LHFPL6: variants seen among roughly 807,000 people sequenced by gnomAD.
LHFPL6 encodes LHFPL tetraspan subfamily member 6.
LHFPL6 carries 9 observed loss-of-function variants against 20.6 expected under a neutral mutation model. The ratio of observed to expected loss-of-function variants is 0.44; its 90% CI spans 0.26 to 0.76. The LOEUF is 0.76. Among genes scored for constraint, LHFPL6 ranks in the 30% least tolerant of loss-of-function variants. The pLI, the probability that LHFPL6 is intolerant of heterozygous loss-of-function variation, is 0.20. For synonymous variants in LHFPL6, 105 were observed against 98.7 expected, an observed-to-expected ratio of 1.06 and a Z score of -0.38; for missense variants, 218 against 253.5, an observed-to-expected ratio of 0.86 and a Z score of 0.95.
intron 2 of LHFPL6, among the ~76,000 whole-genome samples, chr13:39,384,265 CT>C (rs1182998686): frequency 6.6e-6 from 1 of 152,268 alleles, no homozygotes; most frequent in East Asian, 1.9e-4. Flanking sequence ...AAAGCTTTGC[CT>C]TTAAGCATGC....
At chr13:39,585,351 A>G (rs900400498) in intron 2 of LHFPL6, among the ~76,000 whole-genome samples, 5 of 152,222 alleles carry the variant, frequency 3.3e-5, no homozygotes, top group Non-Finnish European at 5.9e-5. Context: ...AATATATGAG[A>G]ACTATAAATT....
chr13:39,497,956 T>A (rs536144184), intron 2 of LHFPL6, among the ~76,000 whole-genome samples: 1 of 152,248 alleles, frequency 6.6e-6, no homozygotes, highest in Non-Finnish European at 1.5e-5. Flanking sequence ...AGTGCTAGTA[T>A]ACACTTGTAA....
rs1190786475 is a variant in LHFPL6 at position 39,343,580 on chromosome 13, C to T, written c.*356G>A. On this transcript the variant is annotated 3_prime_UTR_variant, in exon 4 of 4. Transcript: ENST00000379589. ...AAAAAAAAAAAACTAAAACCCAAAC[C>T]CTTGTTTGTATATGTAGATTTGTTG... The T allele has an allele frequency of 8.7e-6, 2 of 230,160 alleles. No homozygotes were observed. The highest frequency in any genetic ancestry group is 5.8e-5 in the Admixed American group (1 of 17,110). 14.3% of individuals were successfully genotyped at this position (230,160 alleles called of 1,614,324 possible).
At chr13:39,523,684 G>T (rs141014414) in intron 2 of LHFPL6, among the ~76,000 whole-genome samples, 78 of 152,232 alleles carry the variant, frequency 5.1e-4, no homozygotes, top group African/African-American at 1.7e-3. Context: ...AACAGCCTGA[G>T]AAATCTTAGG....
chr13:39,476,204 A>G (rs1335332379), intron 2 of LHFPL6, among the ~76,000 whole-genome samples: 1 of 152,266 alleles, frequency 6.6e-6, no homozygotes, highest in East Asian at 1.9e-4. Flanking sequence ...TGTATTACTT[A>G]TTTTTAATAG....
intron 3 of LHFPL6, among the ~76,000 whole-genome samples, chr13:39,355,179 G>A (rs961204076): frequency 1.3e-5 from 2 of 151,464 alleles, no homozygotes; most frequent in Non-Finnish European, 1.5e-5. Context: ...AGCCTCATCA[G>A]GCTAACAGCA....
intron 2 of LHFPL6, among the ~76,000 whole-genome samples, chr13:39,431,285 A>G (rs1440776951): frequency 1.3e-5 from 2 of 152,212 alleles, no homozygotes; most frequent in East Asian, 3.9e-4. Context: ...CAGCAAGACT[A>G]CAAACCTACC....
chr13:39,511,419 A>G (rs1345219593), intron 2 of LHFPL6, among the ~76,000 whole-genome samples: 1 of 152,022 alleles, frequency 6.6e-6, no homozygotes, highest in Non-Finnish European at 1.5e-5. Flanking sequence ...TCAGTAATCA[A>G]TCACAGCATT....
chr13:39,378,310 A>G lies in LHFPL6; in HGVS notation c.484+118T>C. The G allele has an allele frequency of 7.2e-6, 5 of 691,080 alleles. No individual in the cohort carries two copies. The South Asian group carries it at 8.5e-5, about 12-fold the overall frequency. The allele number at this position is 691,080 out of a possible 1,614,324, so 42.8% of individuals were successfully genotyped here. A position where few individuals can be genotyped will look rare whatever the true frequency, so the allele number is the denominator to read the frequency against. On this transcript the variant is annotated intron_variant, in intron 3 of 3. Transcript: ENST00000379589. The stretch of plus-strand genomic sequence containing the variant: ...TACATTTATATTGTTACACGTGACT[A>G]CTGGCTGTAATACCCAGGGAGGTTT...
chr13:39,372,067 T>C (rs949434606), intron 3 of LHFPL6, among the ~76,000 whole-genome samples: 2 of 152,182 alleles, frequency 1.3e-5, no homozygotes, highest in African/African-American at 4.8e-5. Flanking sequence ...GAAAACATCT[T>C]TGAGCTCCTG....
chr13:39,508,920 AAT>A (rs1373434843), intron 2 of LHFPL6, among the ~76,000 whole-genome samples: 1 of 152,120 alleles, frequency 6.6e-6, no homozygotes, highest in Non-Finnish European at 1.5e-5. Context: ...GAAGTTGCCA[AAT>A]TGTTTTCTAA....
chr13:39,420,363 A>G (rs897586889), intron 2 of LHFPL6, among the ~76,000 whole-genome samples: 5 of 152,212 alleles, frequency 3.3e-5, no homozygotes, highest in African/African-American at 1.2e-4. Flanking sequence ...GTAAGTAGCA[A>G]TGAATGTTGC....
chr13:39,533,689 T>C (rs1204305740), intron 2 of LHFPL6, among the ~76,000 whole-genome samples: 2 of 152,182 alleles, frequency 1.3e-5, no homozygotes, highest in Non-Finnish European at 1.5e-5. Context: ...GGTCTTCTAG[T>C]GTGCTTTCAG....
chr13:39,465,008 T>C (rs893455150), intron 2 of LHFPL6, among the ~76,000 whole-genome samples: 2 of 152,122 alleles, frequency 1.3e-5, no homozygotes, highest in African/African-American at 4.8e-5. Context: ...GCCAGTAATC[T>C]TCAGGGATGG....
chr13:39,428,842 A>G (rs1871712654), intron 2 of LHFPL6, among the ~76,000 whole-genome samples: 1 of 152,192 alleles, frequency 6.6e-6, no homozygotes. Context: ...CTCTAGCAGC[A>G]TCTCACAAAT....
At chr13:39,406,563 A>G (rs368957330) in intron 2 of LHFPL6, among the ~76,000 whole-genome samples, 3 of 152,226 alleles carry the variant, frequency 2.0e-5, no homozygotes, top group African/African-American at 7.2e-5. Flanking sequence ...AAATTAAAGT[A>G]CAAACACGGT....
intron 2 of LHFPL6, among the ~76,000 whole-genome samples, chr13:39,381,589 A>G (rs1870437757): frequency 6.6e-6 from 1 of 152,160 alleles, no homozygotes; most frequent in African/African-American, 2.4e-5. Context: ...CCCACTTAGG[A>G]AGAGTTCCAC....
At chr13:39,552,808 G>A (rs917061884) in intron 2 of LHFPL6, among the ~76,000 whole-genome samples, 2 of 152,212 alleles carry the variant, frequency 1.3e-5, no homozygotes, top group Admixed American at 1.3e-4. Flanking sequence ...TACATATTTA[G>A]CCAGTTTTTT....
chr13:39,356,113 A>G (rs1869719294), intron 3 of LHFPL6, among the ~76,000 whole-genome samples: 1 of 152,244 alleles, frequency 6.6e-6, no homozygotes, highest in Admixed American at 6.5e-5. Context: ...AAGATTGACC[A>G]CATGTTCAGC....
Sources: allele counts gnomAD v4.1 joint callset (sites outside exome capture counted in the v4.1 genomes callset), GRCh38; gene constraint gnomAD v4.1.1; transcripts MANE v1.5; gene names NCBI Gene and HGNC (gene_info 2026-07-23, HGNC 2026-07-21).